Variants in ANKRD31 observed in about 807,000 individuals in gnomAD.
The protein encoded by ANKRD31 is ankyrin repeat domain-containing protein 31.
In ANKRD31, 147 loss-of-function variants were observed where a neutral mutation model predicts 186.0. That is an observed-to-expected ratio of 0.79 (90% CI 0.69 to 0.91). The LOEUF (loss-of-function observed/expected upper bound fraction) is 0.91. Among genes scored for constraint, ANKRD31 ranks in the 40% least tolerant of loss-of-function variants. The pLI is 0.00. For synonymous variants in ANKRD31, 673 were observed against 736.4 expected, an observed-to-expected ratio of 0.91 and a Z score of 1.39; for missense variants, 1,986 against 2,148.8, an observed-to-expected ratio of 0.92 and a Z score of 1.50.
intron 15 of ANKRD31, among the ~76,000 whole-genome samples, chr5:75,139,831 G>A (rs564764300): frequency 9.2e-5 from 14 of 152,102 alleles, no homozygotes; most frequent in South Asian, 2.1e-4. Context: ...GGGCGTGGGC[G>A]CTGGGCAGTT....
chr5:75,111,441 T>C (rs779076963), intron 20 of ANKRD31, among the ~76,000 whole-genome samples: 1 of 152,146 alleles, frequency 6.6e-6, no homozygotes. Flanking sequence ...TTTATATTAG[T>C]TTCCTCCAAA....
Position 75,144,166 on chromosome 5 carries a change from C to A in ANKRD31, c.3430G>T (p.Glu1144Ter). ...TCTCCACTGATGTTATTAGTTAATT[C>A]CTCATCTGAAACAAACATTTTACAA... ...KKEISHKPDEELTNNISGDEI... is the reference protein window; with the variant it reads ...KKEISHKPDE The change falls in exon 15 of 26, where the codon GAA becomes TAA. Residue 1144 changes from glutamate to a stop codon, truncating the protein, a stop_gained. Coordinates refer to ENST00000506364, the MANE Select transcript of ANKRD31 (RefSeq NM_001372053.1). LOFTEE classifies it high-confidence loss of function. The A allele has an allele frequency of 2.5e-6, 1 of 396,998 alleles. No individual in the cohort carries two copies. Among genetic ancestry groups the A allele is most frequent in the East Asian group, 3.6e-5 (1 of 27,900 alleles). 24.6% of individuals were successfully genotyped at this position (396,998 alleles called of 1,614,324 possible).
chr5:75,186,021 C>T (rs2150229776), intron 10 of ANKRD31, among the ~76,000 whole-genome samples: 1 of 152,218 alleles, frequency 6.6e-6, no homozygotes, highest in African/African-American at 2.4e-5. Flanking sequence ...GTGCTTTATT[C>T]TGCAGAGAAA....
At chr5:75,096,895 G>C (rs1746374593) in intron 22 of ANKRD31, among the ~76,000 whole-genome samples, 1 of 145,634 alleles carries the variant, frequency 6.9e-6, no homozygotes, top group Non-Finnish European at 1.5e-5. Flanking sequence ...CCACCTATGA[G>C]TGAGAACATG....
chr5:75,208,128 T>C (rs960157127), intron 4 of ANKRD31, among the ~76,000 whole-genome samples: 2 of 152,176 alleles, frequency 1.3e-5, no homozygotes, highest in African/African-American at 4.8e-5. Flanking sequence ...CTTTAATGTG[T>C]GGCTTAATGA....
chr5:75,165,281 C>G (rs748166308), intron 11 of ANKRD31, among the ~76,000 whole-genome samples: 2 of 152,190 alleles, frequency 1.3e-5, no homozygotes, highest in South Asian at 4.1e-4. Context: ...AGTATTCTGA[C>G]TCTTCATCCC....
intron 11 of ANKRD31, among the ~76,000 whole-genome samples, chr5:75,160,569 T>C (rs1460155327): frequency 6.6e-6 from 1 of 152,162 alleles, no homozygotes; most frequent in East Asian, 1.9e-4. Flanking sequence ...TTTAAAAATA[T>C]ACTATCTGAG....
intron 11 of ANKRD31, 43 bp downstream of exon 11, chr5:75,168,936 G>A (rs180878124): frequency 1.4e-5 from 20 of 1,465,702 alleles, no homozygotes; most frequent in Non-Finnish European, 1.7e-5. Flanking sequence ...TTTAATATTT[G>A]CAAAATATAG....
At chr5:75,114,077 T>C (rs968096495) in intron 19 of ANKRD31, among the ~76,000 whole-genome samples, 1 of 152,206 alleles carries the variant, frequency 6.6e-6, no homozygotes, top group East Asian at 1.9e-4. Context: ...CTTTGTGTTT[T>C]TGTCCAACTA....
intron 6 of ANKRD31, among the ~76,000 whole-genome samples, chr5:75,198,067 G>C (rs1393683195): frequency 1.3e-5 from 2 of 152,178 alleles, no homozygotes; most frequent in African/African-American, 2.4e-5. Context: ...TCTTTCTGAA[G>C]AAACAGGTCT....
chr5:75,212,060 T>C (rs1756684382), intron 3 of ANKRD31, among the ~76,000 whole-genome samples: 4 of 152,204 alleles, frequency 2.6e-5, no homozygotes, highest in Admixed American at 2.0e-4. Flanking sequence ...CCAGATCCAA[T>C]GTCACGATAC....
chr5:75,107,728 C>A (rs1747448293), intron 20 of ANKRD31, 111 bp from the exon 21 acceptor site: 1 of 616,086 alleles, frequency 1.6e-6, no homozygotes, highest in African/African-American at 1.9e-5. Flanking sequence ...TCCCTATGAT[C>A]TTCCCCAATA....
intron 10 of ANKRD31, among the ~76,000 whole-genome samples, chr5:75,171,659 A>C (rs540343815): frequency 1.3e-5 from 2 of 151,868 alleles, no homozygotes; most frequent in East Asian, 3.9e-4. Context: ...CCATAAATCG[A>C]TTCTTGAAAA....
chr5:75,149,228 T>C (rs574542809), intron 12 of ANKRD31, among the ~76,000 whole-genome samples: 8 of 151,992 alleles, frequency 5.3e-5, no homozygotes, highest in African/African-American at 1.7e-4. Flanking sequence ...TAACTATATA[T>C]GCATTTGGCT....
At chr5:75,133,438 G>A (rs182268098) in intron 17 of ANKRD31, among the ~76,000 whole-genome samples, 1 of 152,184 alleles carries the variant, frequency 6.6e-6, no homozygotes, top group East Asian at 1.9e-4. Flanking sequence ...AATGGTAAAG[G>A]GATCAATTCA....
At chr5:75,109,315 G>T (rs1747582353) in intron 20 of ANKRD31, among the ~76,000 whole-genome samples, 1 of 152,198 alleles carries the variant, frequency 6.6e-6, no homozygotes, top group Non-Finnish European at 1.5e-5. Flanking sequence ...AGAAAAGTGA[G>T]TGCAAGGTCT....
chr5:75,176,995 G>C (rs960208564), intron 10 of ANKRD31, among the ~76,000 whole-genome samples: 1 of 152,128 alleles, frequency 6.6e-6, no homozygotes, highest in Non-Finnish European at 1.5e-5. Flanking sequence ...AAAAAAATTA[G>C]ACGAATGGAT....
intron 10 of ANKRD31, among the ~76,000 whole-genome samples, chr5:75,178,843 A>G (rs1289486503): frequency 1.3e-5 from 2 of 152,192 alleles, no homozygotes; most frequent in Non-Finnish European, 2.9e-5. Flanking sequence ...GCAAGAGCAA[A>G]CACATTCAAA....
intron 24 of ANKRD31, among the ~76,000 whole-genome samples, chr5:75,082,405 A>G (rs1216492959): frequency 1.3e-5 from 2 of 152,120 alleles, no homozygotes; most frequent in Non-Finnish European, 1.5e-5. Flanking sequence ...TCTCTTCTGT[A>G]TTGTCCCCAA....
Sources: gnomAD v4.1 joint callset for allele counts (sites outside exome capture counted in the v4.1 genomes callset) on GRCh38, gnomAD v4.1.1 for gene constraint, MANE v1.5 for transcripts, NCBI Gene and HGNC (gene_info 2026-07-23, HGNC 2026-07-21) for gene names.